The following SIGLEC7 variants were observed in gnomAD, a reference collection of about 807,000 sequenced individuals.
The protein encoded by SIGLEC7 is sialic acid binding Ig like lectin 7, also known as sialic acid-binding Ig-like lectin 7.
Under a neutral mutation model 40.8 loss-of-function variants are expected in SIGLEC7, and 33 were observed. That is an observed-to-expected ratio of 0.81 (90% CI 0.61 to 1.08). SIGLEC7 has a LOEUF of 1.08. Among genes scored for constraint, SIGLEC7 ranks in the 50% least tolerant of loss-of-function variants. SIGLEC7 has a pLI of 0.00. For missense variants in SIGLEC7, 513 were observed against 576.1 expected, an observed-to-expected ratio of 0.89 and a Z score of 1.12; for synonymous variants, 242 against 237.6, an observed-to-expected ratio of 1.02 and a Z score of -0.17.
Position 51,147,320 on chromosome 19 carries a change from G to A in SIGLEC7, c.1221+3G>A. ...CCATCAGGGGCTCAGCCTCTCAGGTGAGTGATATGGGCGTCTCCACACCCA... is the reference window on the plus strand; with the variant it reads ...CCATCAGGGGCTCAGCCTCTCAGGTAAGTGATATGGGCGTCTCCACACCCA... On this transcript the variant is annotated splice_donor_region_variant and intron_variant, in intron 6 of 6. Transcript: ENST00000317643. The A allele has an allele frequency of 1.2e-6, 2 of 1,606,948 alleles. No individual in the cohort carries two copies. Among genetic ancestry groups the A allele is most frequent in the Non-Finnish European group, 1.7e-6 (2 of 1,175,568 alleles).
rs935070677 is a variant in SIGLEC7, at chr19:51,144,640, G to A, written c.668G>A (p.Gly223Glu). ...CTCACCTGTCAGGTGACCTTGCCTGGGGCCGGCGTGACCACGAACAGGACC... is the reference window on the plus strand; with the variant it reads ...CTCACCTGTCAGGTGACCTTGCCTGAGGCCGGCGTGACCACGAACAGGACC... ...TSLTCQVTLP[G>E]AGVTTNRTIQ... Residue 223 changes from glycine to glutamate, a missense_variant, in exon 2 of 7, where the codon GGG becomes GAG. Coordinates refer to ENST00000317643, the MANE Select transcript of SIGLEC7 (RefSeq NM_014385.4). 47 of 1,613,762 alleles carry A rather than the reference G, an allele frequency of 2.9e-5. No homozygotes were observed. Among genetic ancestry groups the A allele is most frequent in the Non-Finnish European group, 4.0e-5 (47 of 1,180,008 alleles).
At chr19:51,144,849 G>A (rs1347006246) in intron 2 of SIGLEC7, 63 bp from the exon 3 acceptor site, 4 of 1,594,388 alleles carry the variant, frequency 2.5e-6, no homozygotes, top group Non-Finnish European at 3.4e-6. Flanking sequence ...CAGCTCCTGG[G>A]GAGACAGGGC....
intron 1 of SIGLEC7, chr19:51,144,110 A>G: frequency 1.5e-6 from 1 of 680,582 alleles, no homozygotes. Flanking sequence ...CAGAGATGCC[A>G]GGAAGGGGGA....
intron 6 of SIGLEC7, among the ~76,000 whole-genome samples, chr19:51,148,816 G>A (rs1234383240): frequency 6.6e-6 from 1 of 152,188 alleles, no homozygotes; most frequent in East Asian, 1.9e-4. Context: ...CAGTATAAGT[G>A]TTCCCTTTTC....
intron 6 of SIGLEC7, among the ~76,000 whole-genome samples, chr19:51,149,894 A>G: frequency 6.6e-6 from 1 of 152,064 alleles, no homozygotes; most frequent in East Asian, 1.9e-4. Context: ...TAAAAATTTT[A>G]TTCTTTTTGT....
At chr19:51,144,731 T>C (rs1275927791) in intron 2 of SIGLEC7, 47 bp downstream of exon 2, 1 of 1,598,180 alleles carries the variant, frequency 6.3e-7, no homozygotes, top group African/African-American at 1.3e-5. Flanking sequence ...GGGGGGGACG[T>C]CCCTGAGGGC....
At chr19:51,153,019 A>G (rs751726411) in intron 6 of SIGLEC7, 44 bp from the exon 7 acceptor site, 3 of 1,426,092 alleles carry the variant, frequency 2.1e-6, no homozygotes, top group East Asian at 4.9e-5. Context: ...GCCTTATCCT[A>G]TTTCCACTGC....
intron 5 of SIGLEC7, 129 bp downstream of exon 5, chr19:51,146,979 C>T (rs546461336): frequency 5.2e-5 from 55 of 1,053,424 alleles, no homozygotes; most frequent in East Asian, 2.5e-4. Context: ...CTCACGGGTG[C>T]GTGGCAAGAA....
chr19:51,152,708 A>T (rs571626045), intron 6 of SIGLEC7, among the ~76,000 whole-genome samples: 1 of 152,228 alleles, frequency 6.6e-6, no homozygotes, highest in African/African-American at 2.4e-5. Context: ...AGGGCTTCAC[A>T]CACAGAGGGC....
chr19:51,143,686 C>A, intron 1 of SIGLEC7: 1 of 219,972 alleles, frequency 4.5e-6, no homozygotes, highest in Non-Finnish European at 9.2e-6. Context: ...GGTCCCACAG[C>A]CCTGCCCCTC....
chr19:51,147,508 C>T (rs934648355), intron 6 of SIGLEC7, among the ~76,000 whole-genome samples, 191 bp downstream of exon 6: 2 of 152,150 alleles, frequency 1.3e-5, no homozygotes, highest in African/African-American at 2.4e-5. Context: ...TACTTTCTCT[C>T]GGGCCAGGCA....
Position 51,144,488 on chromosome 19 carries a change from G to C in SIGLEC7, c.516G>C (p.Trp172Cys), listed in dbSNP as rs767198744. Residue 172 changes from tryptophan (W) to cysteine (C), a missense_variant, in exon 2 of 7, where the codon TGG becomes TGC. By Grantham distance (215) the Trp-to-Cys change is radical (BLOSUM62 -2). Coordinates refer to ENST00000317643, the MANE Select transcript of SIGLEC7 (RefSeq NM_014385.4). ...AGAATCTGACCTGCTCTGTGCCCTGGGCCTGTGAGCAGGGGACGCCCCCTA... is the reference window on the plus strand; with the variant it reads ...AGAATCTGACCTGCTCTGTGCCCTGCGCCTGTGAGCAGGGGACGCCCCCTA... Reference protein sequence around the residue: ...CFQNLTCSVPWACEQGTPPMI... With the variant: ...CFQNLTCSVPCACEQGTPPMI... 6.2e-7 allele frequency: 1 copy of C among 1,613,756 alleles called. No individual in the cohort carries two copies. Among genetic ancestry groups the C allele is most frequent in the East Asian group, 2.2e-5 (1 of 44,884 alleles).
Position 51,142,488 on chromosome 19 carries a change from T to C in SIGLEC7, c.119T>C (p.Met40Thr). ...AGTTCCGTGACCGTGCAAGAGGGCA[T>C]GTGTGTCCATGTGCGCTGCTCCTTC... ...MQSSVTVQEG[M>T]CVHVRCSFSY... The change falls in exon 1 of 7, where the codon ATG becomes ACG. Residue 40 changes from methionine to threonine, a missense_variant. Met to Thr is a moderately conservative substitution (Grantham distance 81). Coordinates refer to ENST00000317643, the MANE Select transcript of SIGLEC7 (RefSeq NM_014385.4). This position sits in a 1 kb window ranked among gnomAD's most constrained non-coding sequence, Gnocchi z 5.0. The C allele has an allele frequency of 6.2e-7, 1 of 1,614,162 alleles. No homozygotes were observed.
intron 6 of SIGLEC7, among the ~76,000 whole-genome samples, chr19:51,152,719 C>A (rs1288385264): frequency 3.3e-5 from 5 of 152,164 alleles, no homozygotes; most frequent in Non-Finnish European, 7.3e-5. Flanking sequence ...CACAGAGGGC[C>A]CCAGCAGGAC....
chr19:51,147,412 A>G, intron 6 of SIGLEC7, 95 bp downstream of exon 6: 3 of 904,916 alleles, frequency 3.3e-6, no homozygotes, highest in Non-Finnish European at 5.0e-6. Flanking sequence ...GGCCAAAATT[A>G]TCTCCTCATC....
Position 51,153,146 on chromosome 19 carries a change from C to A in SIGLEC7, c.1305C>A (p.Ile435=). Residue 435 remains isoleucine (I), a synonymous_variant, in exon 7 of 7, where the codon ATC becomes ATA. Coordinates refer to ENST00000317643, the MANE Select transcript of SIGLEC7 (RefSeq NM_014385.4). ...ACTCCTCAGGGGAGGAAAGAGAGAT[C>A]CAGTATGCACCCCTCAGCTTTCATA... ...AAHSSGEERE[I]QYAPLSFHKG... 6.2e-7 allele frequency: 1 copy of A among 1,610,864 alleles called. No individual in the cohort carries two copies. The highest frequency in any genetic ancestry group is 8.5e-7 in the Non-Finnish European group (1 of 1,178,510).
At chr19:51,150,190 G>A (rs903909297) in intron 6 of SIGLEC7, among the ~76,000 whole-genome samples, 6 of 152,208 alleles carry the variant, frequency 3.9e-5, no homozygotes, top group Admixed American at 3.9e-4. Flanking sequence ...ACGTTAAACA[G>A]GAGTGGTGAG....
intron 1 of SIGLEC7, chr19:51,144,093 T>C: frequency 1.5e-6 from 1 of 654,776 alleles, no homozygotes; most frequent in Non-Finnish European, 2.9e-6. Flanking sequence ...AACTGCTCCC[T>C]GAGCATCAGA....
chr19:51,151,063 T>A (rs1158414574), intron 6 of SIGLEC7, among the ~76,000 whole-genome samples: 2 of 152,152 alleles, frequency 1.3e-5, no homozygotes, highest in Non-Finnish European at 2.9e-5. Flanking sequence ...ACCGTGTGTG[T>A]GGCAGGGGAA....
Sources: allele counts gnomAD v4.1 joint callset (sites outside exome capture counted in the v4.1 genomes callset), GRCh38; gene constraint gnomAD v4.1.1; non-coding constraint Gnocchi (gnomAD v3.1); transcripts MANE v1.5; gene names NCBI Gene and HGNC (gene_info 2026-07-23, HGNC 2026-07-21).